Variants in CYP46A1 observed in about 807,000 individuals in gnomAD.
CYP46A1 encodes the protein cholesterol 24-hydroxylase.
Under a neutral mutation model 63.3 loss-of-function variants are expected in CYP46A1, and 20 were observed. The observed-to-expected ratio is 0.32, with a 90% confidence interval of 0.22 to 0.46. The LOEUF (loss-of-function observed/expected upper bound fraction) is 0.46, where lower values mean the gene tolerates loss of function less well. Ranked by LOEUF, CYP46A1 falls within the 20% of genes least tolerant of loss-of-function variation. The probability of loss-of-function intolerance (pLI) is 1.00; values close to 1 mark genes in which losing one functional copy is unlikely to be tolerated. For missense variants in CYP46A1, 445 were observed against 670.8 expected, an observed-to-expected ratio of 0.66 and a Z score of 3.72; for synonymous variants, 268 against 273.6, an observed-to-expected ratio of 0.98 and a Z score of 0.20.
Position 99,684,581 on chromosome 14 carries a change from G to A in CYP46A1, c.119+45G>A, listed in dbSNP as rs1446446268. On this transcript the variant is annotated intron_variant, in intron 1 of 14. Transcript: ENST00000261835. ...GGGCCTGGCTGGGGTGCTGGGACTG[G>A]GGGCCTGGGGACAGCGTCTAAGCCG... 18 of 1,396,572 alleles carry A rather than the reference G, an allele frequency of 1.3e-5. No homozygotes were observed. In the East Asian group the frequency reaches 4.2e-4, roughly 33 times the overall value. The allele number at this position is 1,396,572 out of a possible 1,614,324, so 86.5% of individuals were successfully genotyped here.
chr14:99,726,766 C>T lies in CYP46A1; in HGVS notation c.*39C>T, dbSNP rs2056906135. 4.2e-6 allele frequency: 6 copies of T among 1,443,790 alleles called. No homozygotes were observed. The highest frequency in any genetic ancestry group is 2.5e-4 in the Middle Eastern group (1 of 4,060). The allele number at this position is 1,443,790 out of a possible 1,614,324, so 89.4% of individuals were successfully genotyped here. On this transcript the variant is annotated 3_prime_UTR_variant, in exon 15 of 15. Transcript: ENST00000261835. ...CAGGACGAGACTCCTCGGGCAAGGG[C>T]CGTGCCCGCCCACCTCTGCTGCCCA...
intron 1 of CYP46A1, among the ~76,000 whole-genome samples, chr14:99,685,495 G>A (rs2056486268): frequency 6.6e-6 from 1 of 151,712 alleles, no homozygotes; most frequent in Admixed American, 6.6e-5. Context: ...TTGACTGTCT[G>A]TTCACCTGTT....
rs1188686443 is a variant in CYP46A1 at position 99,726,809 on chromosome 14, C to A, written c.*82C>A. 1.7e-6 allele frequency: 2 copies of A among 1,209,892 alleles called. No homozygotes were observed. The highest frequency in any genetic ancestry group is 1.8e-5 in the South Asian group (1 of 55,810). The allele number at this position is 1,209,892 out of a possible 1,614,324, so 74.9% of individuals were successfully genotyped here. A position where few individuals can be genotyped will look rare whatever the true frequency, so the allele number is the denominator to read the frequency against. ...GCTGCCCACGGCCACCCACCCTTCT[C>A]CCCTGCCCCGTCCCCTGGGCCACCC... On this transcript the variant is annotated 3_prime_UTR_variant, in exon 15 of 15. Transcript: ENST00000261835.
intron 7 of CYP46A1, among the ~76,000 whole-genome samples, chr14:99,714,793 G>C (rs1462267618): frequency 6.6e-6 from 1 of 151,286 alleles, no homozygotes; most frequent in Non-Finnish European, 1.5e-5. Flanking sequence ...AAAATTTGAT[G>C]TATATACACA....
intron 1 of CYP46A1, 178 bp downstream of exon 1, chr14:99,684,714 G>C (rs2056475424): frequency 3.0e-6 from 2 of 663,680 alleles, no homozygotes; most frequent in African/African-American, 1.8e-5. Flanking sequence ...CACAGCCGCA[G>C]CAGCTGCTGG....
rs151220360 is a variant in CYP46A1, at chr14:99,697,018, G to A, written c.283-2448G>A. 8.3e-4 allele frequency among the ~76,000 whole-genome samples: 126 copies of A among 152,298 alleles called. 3 individuals carry two copies. The East Asian group carries it at 0.022, about 26-fold the overall frequency. On this transcript the variant is annotated intron_variant, in intron 3 of 14. Transcript: ENST00000261835. ...TTCTGGGGCCTCTGCGGAAGGTCTT[G>A]TGTCTGAGGTTTGTCTATTCTGGGT...
intron 3 of CYP46A1, chr14:99,693,690 A>C (rs1004496630): frequency 1.3e-5 from 2 of 152,020 alleles, no homozygotes; most frequent in Admixed American, 1.3e-4. Flanking sequence ...GAGTGATGTT[A>C]TTTCTTCTTT....
chr14:99,704,236 G>A (rs756460852), intron 5 of CYP46A1, among the ~76,000 whole-genome samples: 13 of 152,206 alleles, frequency 8.5e-5, no homozygotes, highest in South Asian at 2.1e-4. Flanking sequence ...GCATTATTAC[G>A]CAACCATCAC....
intron 1 of CYP46A1, chr14:99,684,924 G>C (rs962449555): frequency 5.8e-6 from 2 of 345,466 alleles, no homozygotes; most frequent in African/African-American, 4.3e-5. Flanking sequence ...GTTAACTTTG[G>C]GACTTGGACA....
Position 99,707,557 on chromosome 14 carries a change from C to G in CYP46A1, c.583-11C>G, listed in dbSNP as rs1240434636. 1.2e-6 allele frequency: 2 copies of G among 1,613,174 alleles called. No individual in the cohort carries two copies. The highest frequency in any genetic ancestry group is 8.5e-7 in the Non-Finnish European group (1 of 1,179,242). On this transcript the variant is annotated splice_polypyrimidine_tract_variant and intron_variant, in intron 6 of 14. Coordinates refer to ENST00000261835, the MANE Select transcript of CYP46A1 (RefSeq NM_006668.2). ...GCCCCAGGGATGACCTTGCCCTTCTCTCTCCCCCAGGCAGCTTTTGGGATG... is the reference window on the plus strand; with the variant it reads ...GCCCCAGGGATGACCTTGCCCTTCTGTCTCCCCCAGGCAGCTTTTGGGATG...
At chr14:99,700,973 A>T (rs2056625970) in intron 5 of CYP46A1, among the ~76,000 whole-genome samples, 1 of 152,166 alleles carries the variant, frequency 6.6e-6, no homozygotes, top group African/African-American at 2.4e-5. Context: ...GCCTAGGCTA[A>T]TGTGTGTGTT....
chr14:99,706,824 A>C, intron 6 of CYP46A1, 39 bp downstream of exon 6: 2 of 1,605,932 alleles, frequency 1.2e-6, no homozygotes, highest in Non-Finnish European at 1.7e-6. Context: ...CAGGAGGGCC[A>C]CATGGGGTAG....
At chr14:99,716,788 C>T (rs753018551) in intron 9 of CYP46A1, among the ~76,000 whole-genome samples, 1 of 152,226 alleles carries the variant, frequency 6.6e-6, no homozygotes, top group Non-Finnish European at 1.5e-5. Flanking sequence ...TTGTTTTGCT[C>T]ACCTCTGTTC....
intron 3 of CYP46A1, among the ~76,000 whole-genome samples, chr14:99,697,878 G>T (rs2056599278): frequency 6.6e-6 from 1 of 152,052 alleles, no homozygotes; most frequent in African/African-American, 2.4e-5. Flanking sequence ...TGCCTTAATG[G>T]TAGGGATCTT....
rs1245450656 is a variant in CYP46A1 at position 99,722,966 on chromosome 14, T to C, written c.1176+900T>C. On this transcript the variant is annotated intron_variant, in intron 12 of 14. Coordinates refer to ENST00000261835, the MANE Select transcript of CYP46A1 (RefSeq NM_006668.2). This position sits in a 1 kb window ranked among gnomAD's most constrained non-coding sequence, Gnocchi z 4.6. ...TGTAGGACCCCTGACTGTTCAGCTT[T>C]ACAAACGAACGCCACATTGTTTTCC... 4.5e-6 allele frequency: 2 copies of C among 441,660 alleles called. No homozygotes were observed. The highest frequency in any genetic ancestry group is 4.0e-5 in the African/African-American group (2 of 49,936). The allele number at this position is 441,660 out of a possible 1,614,324, so 27.4% of individuals were successfully genotyped here. A position where few individuals can be genotyped will look rare whatever the true frequency, so the allele number is the denominator to read the frequency against.
chr14:99,722,757 T>C lies in CYP46A1; in HGVS notation c.1176+691T>C, dbSNP rs1257502523. On this transcript the variant is annotated intron_variant, in intron 12 of 14. Transcript: ENST00000261835. This position sits in a 1 kb window ranked among gnomAD's most constrained non-coding sequence, Gnocchi z 4.6. ...ATAAAGTTGGTAAGATTTGTGTAGG[T>C]TTCTCCACAAGGCCGTAGGACAACC... 1.6e-5 allele frequency: 5 copies of C among 306,202 alleles called. No homozygotes were observed. The East Asian group carries it at 3.2e-4, about 20-fold the overall frequency. The allele number at this position is 306,202 out of a possible 1,614,324, so 19.0% of individuals were successfully genotyped here. A position where few individuals can be genotyped will look rare whatever the true frequency, so the allele number is the denominator to read the frequency against.
chr14:99,691,967 C>T (rs1345073970), intron 3 of CYP46A1, 106 bp downstream of exon 3: 3 of 1,176,082 alleles, frequency 2.6e-6, no homozygotes, highest in Non-Finnish European at 2.5e-6. Context: ...GAGCCAGGCG[C>T]ATTTCGGCTG....
chr14:99,684,856 CA>C, intron 1 of CYP46A1: 1 of 448,398 alleles, frequency 2.2e-6, no homozygotes. Context: ...TGCCCAAGGT[CA>C]CACGGTTGGT....
chr14:99,710,432 A>G (rs916553981), intron 7 of CYP46A1: 1 of 152,156 alleles, frequency 6.6e-6, no homozygotes, highest in African/African-American at 2.4e-5. Context: ...TGCTTACAAG[A>G]AACTCACTTC....
Sources: gnomAD v4.1 joint callset for allele counts (sites outside exome capture counted in the v4.1 genomes callset) on GRCh38, gnomAD v4.1.1 for gene constraint, Gnocchi (gnomAD v3.1) non-coding constraint, MANE v1.5 for transcripts, NCBI Gene and HGNC (gene_info 2026-07-23, HGNC 2026-07-21) for gene names.